Variants in PTPRN2 observed in about 807,000 individuals in gnomAD.
PTPRN2 encodes the protein protein tyrosine phosphatase receptor type N2.
In PTPRN2, 74 loss-of-function variants were observed where a neutral mutation model predicts 118.8. The ratio of observed to expected loss-of-function variants is 0.62; its 90% CI spans 0.52 to 0.76. The LOEUF is 0.76. Ranked by LOEUF, PTPRN2 falls within the 30% of genes least tolerant of loss-of-function variation. PTPRN2 has a pLI of 0.00. For missense variants in PTPRN2, 1,481 were observed against 1,394.4 expected (o/e 1.06, Z -0.99); for synonymous variants, 641 against 608.0 (o/e 1.05, Z -0.80).
rs1299996917 is a variant in PTPRN2, at chr7:157,615,180, G to C, written c.2344+6182C>G. ...GGCCAGCGTGGGTGGTGGGTGTGCA[G>C]GCGATGCCACGCTACCCCTTCCACT... On this transcript the variant is annotated intron_variant, in intron 15 of 22. Coordinates refer to ENST00000389418, the MANE Select transcript of PTPRN2 (RefSeq NM_002847.5). This position sits in a 1 kb window ranked among gnomAD's most constrained non-coding sequence, Gnocchi z 4.3. Among the ~76,000 whole-genome samples the C allele has an allele frequency of 6.6e-6, 1 of 152,250 alleles. No individual in the cohort carries two copies. Among genetic ancestry groups the C allele is most frequent in the Non-Finnish European group, 1.5e-5 (1 of 68,048 alleles).
At chr7:157,923,496 A>G (rs1798805057) in intron 11 of PTPRN2, among the ~76,000 whole-genome samples, 1 of 152,244 alleles carries the variant, frequency 6.6e-6, no homozygotes, top group Non-Finnish European at 1.5e-5. Flanking sequence ...GAAAAATCCA[A>G]AGAACATCAT....
chr7:157,663,493 G>A (rs78236771), intron 13 of PTPRN2, among the ~76,000 whole-genome samples: 3 of 152,336 alleles, frequency 2.0e-5, no homozygotes, highest in South Asian at 2.1e-4. Context: ...GAACGGGGTC[G>A]GGCCAGCTCC....
intron 12 of PTPRN2, among the ~76,000 whole-genome samples, chr7:157,721,716 G>A (rs2150915638): frequency 6.6e-6 from 1 of 152,304 alleles, no homozygotes; most frequent in Middle Eastern, 3.4e-3. Flanking sequence ...CCTCACAGAT[G>A]TTTGGGGAGA....
chr7:158,479,748 G>C (rs988770140), intron 2 of PTPRN2, among the ~76,000 whole-genome samples: 1 of 152,210 alleles, frequency 6.6e-6, no homozygotes, highest in Non-Finnish European at 1.5e-5. Context: ...TGCTGCCTGT[G>C]GGGGTGGGCA....
At chr7:157,984,422 CACGCCAGGCT>C (rs1563299373) in intron 11 of PTPRN2, among the ~76,000 whole-genome samples, 1 of 16,522 alleles carries the variant, frequency 6.1e-5, no homozygotes, top group African/African-American at 2.3e-4. Flanking sequence ...CACCCCATCC[CACGCCAGGCT>C]CCACGCCAGG....
At chr7:158,554,828 C>T (rs953044964) in intron 1 of PTPRN2, among the ~76,000 whole-genome samples, 7 of 152,102 alleles carry the variant, frequency 4.6e-5, no homozygotes, top group Non-Finnish European at 5.9e-5. Flanking sequence ...GTCTGGAATG[C>T]CGCACATAGC....
Position 158,032,421 on chromosome 7 carries a change from G to T in PTPRN2, c.1723+48877C>A, listed in dbSNP as rs565552660. 4.1e-4 allele frequency among the ~76,000 whole-genome samples: 62 copies of T among 152,260 alleles called. 1 individual carries two copies. Among genetic ancestry groups the T allele is most frequent in the Middle Eastern group, 6.8e-3 (2 of 294 alleles). On this transcript the variant is annotated intron_variant, in intron 11 of 22. Coordinates refer to ENST00000389418, the MANE Select transcript of PTPRN2 (RefSeq NM_002847.5). ...AGTTCTGGTCAGTTCTCATGGTGGA[G>T]GAGAATTAAAGTTCAGAGGAGGGCA...
chr7:158,146,206 C>T (rs557268552), intron 6 of PTPRN2, among the ~76,000 whole-genome samples: 1 of 152,240 alleles, frequency 6.6e-6, no homozygotes, highest in East Asian at 1.9e-4. Context: ...CTGACAGGCA[C>T]CTTCCAACTT....
chr7:158,327,320 C>T lies in PTPRN2; in HGVS notation c.164-10388G>A, dbSNP rs541147119. ...ACACATTCTCACACATACACATTCT[C>T]ACATGCACACACGTGCTCACACATG... On this transcript the variant is annotated intron_variant, in intron 2 of 22. Coordinates refer to ENST00000389418, the MANE Select transcript of PTPRN2 (RefSeq NM_002847.5). Among the ~76,000 whole-genome samples the T allele has an allele frequency of 6.0e-3, 907 of 150,798 alleles. 13 individuals are homozygous for T. Among genetic ancestry groups the T allele is most frequent in the African/African-American group, 0.021 (842 of 40,456 alleles).
At chr7:157,747,178 G>C (rs1189123213) in intron 12 of PTPRN2, among the ~76,000 whole-genome samples, 1 of 127,902 alleles carries the variant, frequency 7.8e-6, no homozygotes, top group African/African-American at 3.1e-5. Flanking sequence ...TCCCTGAGCT[G>C]TGGGGTGTGC....
intron 17 of PTPRN2, among the ~76,000 whole-genome samples, chr7:157,593,136 A>G (rs1380542634): frequency 0.017 from 988 of 57,022 alleles, no homozygotes; most frequent in Middle Eastern, 0.056. Context: ...CTGAACTGAG[A>G]GTGGATGTGG....
At chr7:158,090,665 C>T (rs1814041191) in intron 10 of PTPRN2, among the ~76,000 whole-genome samples, 1 of 152,190 alleles carries the variant, frequency 6.6e-6, no homozygotes, top group Admixed American at 6.5e-5. Context: ...TAGGATACTC[C>T]TATCACTCAA....
intron 5 of PTPRN2, among the ~76,000 whole-genome samples, chr7:158,178,686 C>T (rs1674501664): frequency 6.7e-6 from 1 of 150,160 alleles, no homozygotes; most frequent in African/African-American, 2.4e-5. Context: ...CAACCTCCAA[C>T]TCCCAAGTTC....
Position 157,576,768 on chromosome 7 carries a change from G to A in PTPRN2, c.2628C>T (p.Val876=). The change falls in exon 19 of 23, where the codon GTC becomes GTT. Residue 876 remains valine (V), a synonymous_variant. Coordinates refer to ENST00000389418, the MANE Select transcript of PTPRN2 (RefSeq NM_002847.5). The part of the protein sequence containing the change: ...NLYHIYEVNL[V]SEHIWCEDFL... ...AGTCCTCACACCAGATGTGCTCGGA[G>A]ACCAGGTTCACCTGGCAGGGAGGAG... The A allele has an allele frequency of 6.2e-7, 1 of 1,603,448 alleles. No homozygotes were observed. Among genetic ancestry groups the A allele is most frequent in the East Asian group, 2.2e-5 (1 of 44,526 alleles).
rs1445728013 is a variant in PTPRN2 at position 157,609,470 on chromosome 7, TCATCCTGGACCCAGTGGC to T, written c.2345-5413_2345-5396del. ...TTTTCACGGATTAGATCCTCTTCTC[TCATCCTGGACCCAGTGGC>T]CATCCTGGACCACGGACAGAACAGG... On this transcript the variant is annotated intron_variant, in intron 15 of 22. Transcript: ENST00000389418. This position sits in a 1 kb window ranked among gnomAD's most constrained non-coding sequence, Gnocchi z 4.9. 6.6e-6 allele frequency among the ~76,000 whole-genome samples: 1 copy of T among 152,188 alleles called. No individual in the cohort carries two copies. The highest frequency in any genetic ancestry group is 6.5e-5 in the Admixed American group (1 of 15,282).
rs1796966976 is a variant in PTPRN2, at chr7:157,682,641, G to T, written c.2001+84C>A. ...GATACAGGAACAACTGCTGGGAATG[G>T]AGGAGGGGCCAGAGAGGAACGCCAT... On this transcript the variant is annotated intron_variant, in intron 13 of 22. Coordinates refer to ENST00000389418, the MANE Select transcript of PTPRN2 (RefSeq NM_002847.5). 4.4e-6 allele frequency: 6 copies of T among 1,348,666 alleles called. No homozygotes were observed. The African/African-American group carries it at 7.2e-5, about 16-fold the overall frequency. The allele number at this position is 1,348,666 out of a possible 1,614,324, so 83.5% of individuals were successfully genotyped here.
At chr7:157,795,673 A>G (rs1321023806) in intron 12 of PTPRN2, among the ~76,000 whole-genome samples, 1 of 152,228 alleles carries the variant, frequency 6.6e-6, no homozygotes, top group Non-Finnish European at 1.5e-5. Flanking sequence ...TCCCCAACCA[A>G]GGAACTTCCG....
At chr7:158,081,269 C>A (rs375997168) in intron 11 of PTPRN2, 29 bp downstream of exon 11, 3 of 1,571,616 alleles carry the variant, frequency 1.9e-6, no homozygotes, top group Non-Finnish European at 2.6e-6. Flanking sequence ...CGTGTGTGTG[C>A]GTGTACGTGT....
chr7:157,922,813 C>G (rs2093797519), intron 11 of PTPRN2, among the ~76,000 whole-genome samples: 2 of 95,264 alleles, frequency 2.1e-5, no homozygotes, highest in African/African-American at 4.4e-5. Flanking sequence ...TGACTGCTTT[C>G]TAAGTCACAA....
Sources: gnomAD v4.1 joint callset for allele counts (sites outside exome capture counted in the v4.1 genomes callset) on GRCh38, gnomAD v4.1.1 for gene constraint, Gnocchi (gnomAD v3.1) non-coding constraint, MANE v1.5 for transcripts, NCBI Gene and HGNC (gene_info 2026-07-23, HGNC 2026-07-21) for gene names.